PPL: variants seen among roughly 807,000 people sequenced by gnomAD.
PPL encodes the protein 190 kDa paraneoplastic pemphigus antigen.
In PPL, 198 loss-of-function variants were observed where a neutral mutation model predicts 194.4. That is an observed-to-expected ratio of 1.02 (90% CI 0.91 to 1.15). The LOEUF is 1.15. PPL is among the 50% of genes most tolerant of loss of function. PPL has a pLI of 0.00. For synonymous variants in PPL, 1,220 were observed against 972.4 expected, an observed-to-expected ratio of 1.25 and a Z score of -4.74; for missense variants, 2,885 against 2,294.8, an observed-to-expected ratio of 1.26 and a Z score of -5.25.
At position 4,903,915 on chromosome 16, in the gene PPL, C is replaced by G. The variant is rs370534171; in HGVS notation, c.288G>C (p.Lys96Asn). The change falls in exon 3 of 22, where the codon AAG (lysine) becomes AAC (asparagine). Residue 96 changes from lysine to asparagine, a missense_variant. Lys to Asn is a moderately conservative substitution (Grantham distance 94, BLOSUM62 0). Coordinates refer to ENST00000345988, the MANE Select transcript of PPL (RefSeq NM_002705.5). ...CGGCGATCATGTCCCCCTGTGGGTG[C>G]TTCATGTGCTTGGCAATGGCCGCAT... ...EADAAIAKHM[K>N]HPQGDMIAED... is the part of the protein sequence containing the mutation. The G allele has an allele frequency of 3.1e-6, 5 of 1,613,984 alleles. No homozygotes were observed. The highest frequency in any genetic ancestry group is 4.2e-6 in the Non-Finnish European group (5 of 1,180,052).
intron 1 of PPL, among the ~76,000 whole-genome samples, chr16:4,912,202 C>A (rs1316492436): frequency 6.6e-6 from 1 of 152,242 alleles, no homozygotes; most frequent in Admixed American, 6.5e-5. Context: ...CAAGCTGTCA[C>A]TCCCTATTCC....
chr16:4,903,296 A>G (rs1004514326), intron 3 of PPL, among the ~76,000 whole-genome samples: 1 of 152,126 alleles, frequency 6.6e-6, no homozygotes, highest in Admixed American at 6.6e-5. Context: ...ACAGGGCACC[A>G]GGCAGCGGAA....
chr16:4,892,235 A>G, intron 14 of PPL, 22 bp from the exon 15 acceptor site: 1 of 1,598,960 alleles, frequency 6.3e-7, no homozygotes, highest in African/African-American at 1.3e-5. Context: ...AGGGCCCCTC[A>G]GTTTTGGACA....
intron 1 of PPL, among the ~76,000 whole-genome samples, chr16:4,915,030 T>C (rs886334862): frequency 6.6e-6 from 1 of 152,208 alleles, no homozygotes; most frequent in Non-Finnish European, 1.5e-5. Flanking sequence ...TTAGGGTCTG[T>C]ACTGTGGCTC....
intron 1 of PPL, among the ~76,000 whole-genome samples, chr16:4,922,118 C>G (rs1039842693): frequency 6.6e-6 from 1 of 152,134 alleles, no homozygotes; most frequent in Admixed American, 6.5e-5. Flanking sequence ...AGTGGTTAAG[C>G]ACCCAGACCA....
Position 4,893,360 on chromosome 16 carries a change from G to C in PPL, c.1503C>G (p.Asp501Glu), listed in dbSNP as rs777351250. 5.0e-6 allele frequency: 8 copies of C among 1,606,998 alleles called. No homozygotes were observed. Among genetic ancestry groups the C allele is most frequent in the Non-Finnish European group, 6.8e-6 (8 of 1,179,774 alleles). ...CAGCCAGCAGCTGCCGCCCCTGTAG[G>C]TCAGAGGCATCTGTGGAGGGAGGGA... ...LKTENPGDAS[D>E]LQGRQLLAGL... The change falls in exon 14 of 22, where the codon GAC becomes GAG. Residue 501 changes from aspartate to glutamate, a missense_variant. Physicochemically the swap from Asp to Glu is conservative, Grantham distance 45 (BLOSUM62 2). Coordinates refer to ENST00000345988, the MANE Select transcript of PPL (RefSeq NM_002705.5).
At chr16:4,894,756 G>GTCCAA in intron 11 of PPL, 138 bp from the exon 12 acceptor site, 3 of 976,614 alleles carry the variant, frequency 3.1e-6, no homozygotes, top group South Asian at 1.7e-5. Flanking sequence ...AGTGGGGAGG[G>GTCCAA]GCATGCAGGA....
At chr16:4,930,034 G>C (rs1596591486) in intron 1 of PPL, among the ~76,000 whole-genome samples, 2 of 152,076 alleles carry the variant, frequency 1.3e-5, no homozygotes, top group East Asian at 3.8e-4. Context: ...AAGAGTAAGT[G>C]GAATTGCTCT....
intron 1 of PPL, among the ~76,000 whole-genome samples, chr16:4,935,070 G>A (rs1175888839): frequency 2.0e-5 from 3 of 152,192 alleles, no homozygotes; most frequent in Non-Finnish European, 4.4e-5. Context: ...GGGACCAATG[G>A]CTATCAGCCT....
rs917180449 is a variant in PPL at position 4,904,022 on chromosome 16, C to T, written c.181G>A (p.Glu61Lys). The T allele has an allele frequency of 5.0e-6, 8 of 1,612,342 alleles. No homozygotes were observed. Among genetic ancestry groups the T allele is most frequent in the Non-Finnish European group, 6.8e-6 (8 of 1,179,900 alleles). ...TCCCGGTGCTCAGGCTGCCGACCCT[C>T]CTGCAGCCGAGCCAGGTCCTGTGAG... ...KMQSDLARLQ[E>K]GRQPEHRDVT... The change falls in exon 3 of 22, where the codon GAG becomes AAG. Residue 61 changes from glutamate to lysine, a missense_variant. By Grantham distance (56) the Glu-to-Lys change is moderately conservative (BLOSUM62 1). Coordinates refer to ENST00000345988, the MANE Select transcript of PPL (RefSeq NM_002705.5).
In PPL at chr16:4,901,646, G is replaced by A. The variant is rs1596558492; in HGVS notation, c.439-557C>T. Among the ~76,000 whole-genome samples, 8 of 151,634 alleles carry A rather than the reference G, an allele frequency of 5.3e-5. 1 individual carries two copies. The highest frequency in any genetic ancestry group is 5.3e-4 in the Admixed American group (8 of 15,220). On this transcript the variant is annotated intron_variant, in intron 4 of 21. Transcript: ENST00000345988. ...TGAGGCTGCAGTGAGCCGTGATCAT[G>A]CCACTGCATTCCAGCCTGGGAGACA...
chr16:4,899,149 A>G, intron 7 of PPL, 29 bp from the exon 8 acceptor site: 2 of 1,613,574 alleles, frequency 1.2e-6, no homozygotes, highest in Non-Finnish European at 1.7e-6. Flanking sequence ...GAGGGGCCTC[A>G]GTGCCCAGCC....
chr16:4,899,475 C>CTGGCTTGAGGACAAGCCCAGCTATGGG, intron 6 of PPL, 91 bp from the exon 7 acceptor site: 1 of 709,086 alleles, frequency 1.4e-6, no homozygotes, highest in Non-Finnish European at 2.3e-6. Context: ...CCAGCTATGG[C>CTGGCTTGAGGACAAGCCCAGCTATGGG]TGGCCTGAGG....
chr16:4,928,897 G>C (rs546701484), intron 1 of PPL, among the ~76,000 whole-genome samples: 2 of 151,228 alleles, frequency 1.3e-5, no homozygotes, highest in South Asian at 4.2e-4. Context: ...TGTAATCCCA[G>C]CTACTTGGGA....
chr16:4,892,392 C>T (rs776411551), intron 14 of PPL, among the ~76,000 whole-genome samples, 179 bp from the exon 15 acceptor site: 10 of 152,218 alleles, frequency 6.6e-5, no homozygotes, highest in Non-Finnish European at 1.5e-4. Context: ...GTATTTTTCA[C>T]GAGCATCCCA....
chr16:4,885,489 C>CT lies in PPL; in HGVS notation c.3165dup (p.Glu1056ArgfsTer8). 6.2e-7 allele frequency: 1 copy of CT among 1,612,206 alleles called. No individual in the cohort carries two copies. Among genetic ancestry groups the CT allele is most frequent in the Non-Finnish European group, 8.5e-7 (1 of 1,179,980 alleles). Reference sequence around the variant, plus strand: ...GGGTCATTCTGCAGTTTCACCACCTCTTTCTCTGTGACCTTCTCCTGCGCC... The same window carrying CT: ...GGGTCATTCTGCAGTTTCACCACCTCTTTTCTCTGTGACCTTCTCCTGCGCC... On this transcript the variant is annotated frameshift_variant, in exon 22 of 22. Coordinates refer to ENST00000345988, the MANE Select transcript of PPL (RefSeq NM_002705.5). LOFTEE classifies it high-confidence loss of function. The surrounding 1 kb of genome is among the most constrained non-coding windows in gnomAD (Gnocchi z 6.3).
chr16:4,884,608 C>G lies in PPL; in HGVS notation c.4047G>C (p.Arg1349Ser). ...ACCTGACCACCTCCTGCTGCACCAC[C>G]CTTTCCTTCACCCGCGAGAGCTCCT... ...KEEELSRVKE[R>S]VVQQEVVRYE... The change falls in exon 22 of 22, where the codon AGG becomes AGC. Residue 1349 changes from arginine (R) to serine (S), a missense_variant. Coordinates refer to ENST00000345988, the MANE Select transcript of PPL (RefSeq NM_002705.5). This position sits in a 1 kb window ranked among gnomAD's most constrained non-coding sequence, Gnocchi z 5.7. The G allele has an allele frequency of 1.9e-6, 3 of 1,614,210 alleles. No individual in the cohort carries two copies. The highest frequency in any genetic ancestry group is 2.5e-6 in the Non-Finnish European group (3 of 1,180,052).
chr16:4,898,397 T>C (rs1305107071), intron 8 of PPL, among the ~76,000 whole-genome samples: 2 of 152,056 alleles, frequency 1.3e-5, no homozygotes, highest in Non-Finnish European at 1.5e-5. Flanking sequence ...TTGGTGGCAT[T>C]GTGGGGGTTG....
chr16:4,889,432 T>C (rs1467743245), intron 18 of PPL, among the ~76,000 whole-genome samples: 1 of 149,924 alleles, frequency 6.7e-6, no homozygotes, highest in Non-Finnish European at 1.5e-5. Flanking sequence ...TTTTTTTTTG[T>C]ATTTTTAGTA....
Sources: allele counts gnomAD v4.1 joint callset (sites outside exome capture counted in the v4.1 genomes callset), GRCh38; gene constraint gnomAD v4.1.1; non-coding constraint Gnocchi (gnomAD v3.1); transcripts MANE v1.5; gene names NCBI Gene and HGNC (gene_info 2026-07-23, HGNC 2026-07-21).